The following KAZN variants were observed in gnomAD, a reference collection of about 807,000 sequenced individuals.
KAZN encodes kazrin, periplakin interacting protein, also known as kazrin.
KAZN carries 40 observed loss-of-function variants against 87.4 expected under a neutral mutation model. The ratio of observed to expected loss-of-function variants is 0.46; its 90% CI spans 0.36 to 0.60. KAZN has a LOEUF of 0.60. Ranked by LOEUF, KAZN falls within the 20% of genes least tolerant of loss-of-function variation. The probability of loss-of-function intolerance (pLI) is 0.00; values close to 1 mark genes in which losing one functional copy is unlikely to be tolerated. For synonymous variants in KAZN, 466 were observed against 458.3 expected (o/e 1.02, Z -0.22); for missense variants, 898 against 1,073.9 (o/e 0.84, Z 2.29).
intron 1 of KAZN, among the ~76,000 whole-genome samples, chr1:14,145,618 T>C (rs1240467651): frequency 6.6e-6 from 1 of 152,108 alleles, no homozygotes; most frequent in Non-Finnish European, 1.5e-5. Flanking sequence ...TTTTGCTCTG[T>C]CGTCCAGGCT....
At chr1:14,503,084 T>C (rs887656312) in intron 2 of KAZN, among the ~76,000 whole-genome samples, 1 of 151,892 alleles carries the variant, frequency 6.6e-6, no homozygotes, top group African/African-American at 2.4e-5. Flanking sequence ...ATATGGGCGG[T>C]TCACATTTCT....
chr1:14,604,209 C>A (rs1471322037), intron 1 of KAZN, among the ~76,000 whole-genome samples: 4 of 152,184 alleles, frequency 2.6e-5, no homozygotes, highest in Non-Finnish European at 5.9e-5. Context: ...AGTGTCACCG[C>A]CAGCAGTCAT....
In KAZN at chr1:13,981,091, A is replaced by ATATATATATATATATATATATATG. The variant is rs1308145927; in HGVS notation, c.91+87354_91+87355insATATGTATATATATATATATATAT. On this transcript the variant is annotated intron_variant, in intron 1 of 16. Coordinates refer to the KAZN transcript ENST00000636203. ...GGAGAGGTATAAAAAATTACTCTTT[A>ATATATATATATATATATATATATG]TATATATATATATATATATGTATAT... 3.3e-4 allele frequency among the ~76,000 whole-genome samples: 36 copies of ATATATATATATATATATATATATG among 107,678 alleles called. 1 individual carries two copies. Among genetic ancestry groups the ATATATATATATATATATATATATG allele is most frequent in the East Asian group, 9.9e-4 (4 of 4,056 alleles). 70.6% of individuals were successfully genotyped at this position (107,678 alleles called of 152,430 possible). A position where few individuals can be genotyped will look rare whatever the true frequency, so the allele number is the denominator to read the frequency against.
chr1:14,046,380 A>C (rs548013463), intron 1 of KAZN, among the ~76,000 whole-genome samples: 2 of 116,334 alleles, frequency 1.7e-5, no homozygotes, highest in Non-Finnish European at 3.5e-5. Flanking sequence ...AAATTTAGGC[A>C]GGAATAGGTA....
At chr1:14,501,516 TA>T (rs1670252427) in intron 2 of KAZN, among the ~76,000 whole-genome samples, 1 of 152,250 alleles carries the variant, frequency 6.6e-6, no homozygotes. Context: ...TATCCAGAAA[TA>T]AAATTTTAAA....
chr1:14,354,858 G>A (rs184124971), intron 2 of KAZN, among the ~76,000 whole-genome samples: 7 of 152,062 alleles, frequency 4.6e-5, no homozygotes, highest in African/African-American at 1.4e-4. Context: ...ATTTACCAAA[G>A]AGAAATGAAA....
intron 1 of KAZN, among the ~76,000 whole-genome samples, chr1:13,910,709 C>G (rs1409335397): frequency 6.6e-6 from 1 of 152,008 alleles, no homozygotes; most frequent in Non-Finnish European, 1.5e-5. Context: ...ATTACCCATT[C>G]CCAGGTTTTT....
chr1:14,660,066 G>T (rs908717248), intron 1 of KAZN, among the ~76,000 whole-genome samples: 1 of 152,090 alleles, frequency 6.6e-6, no homozygotes, highest in African/African-American at 2.4e-5. Context: ...CAGGGCAGCC[G>T]CTCTGCAACT....
chr1:13,905,895 C>T (rs977091153), intron 1 of KAZN, among the ~76,000 whole-genome samples: 1 of 152,110 alleles, frequency 6.6e-6, no homozygotes, highest in African/African-American at 2.4e-5. Context: ...GCCAGAAATC[C>T]AAAATCAGTA....
chr1:14,209,974 C>T (rs899889184), intron 2 of KAZN, among the ~76,000 whole-genome samples: 2 of 152,160 alleles, frequency 1.3e-5, no homozygotes, highest in Non-Finnish European at 2.9e-5. Context: ...GTAGCTTCAT[C>T]CTGTCCCTGC....
At chr1:14,741,217 C>G (rs1397014235) in intron 1 of KAZN, among the ~76,000 whole-genome samples, 1 of 152,218 alleles carries the variant, frequency 6.6e-6, no homozygotes, top group Non-Finnish European at 1.5e-5. Context: ...TGTCTTTCTC[C>G]CCTGTGACAT....
intron 2 of KAZN, among the ~76,000 whole-genome samples, chr1:14,428,903 C>T (rs902640872): frequency 9.9e-5 from 15 of 151,536 alleles, no homozygotes; most frequent in East Asian, 5.8e-4. Context: ...CAAACCATAT[C>T]GTTTATATAT....
intron 1 of KAZN, among the ~76,000 whole-genome samples, chr1:14,812,008 C>T (rs1422053205): frequency 6.6e-6 from 1 of 152,152 alleles, no homozygotes; most frequent in Non-Finnish European, 1.5e-5. Flanking sequence ...AACTGAAGAA[C>T]TTTTGTTTTT....
In KAZN at chr1:15,065,702, G is replaced by C; in HGVS notation, c.1171G>C (p.Val391Leu). ...GATGGGATTCGGCTCCATCTCCCGC[G>C]TCTTCGCCAGAGGGAAGCAGCGGAA... ...EKMGFGSISR[V>L]FARGKQRKSL... The change falls in exon 8 of 15, where the codon GTC (valine) becomes CTC (leucine). Residue 391 changes from valine to leucine, a missense_variant. Transcript: ENST00000376030. The C allele has an allele frequency of 6.2e-7, 1 of 1,614,208 alleles. No homozygotes were observed. The highest frequency in any genetic ancestry group is 8.5e-7 in the Non-Finnish European group (1 of 1,180,024).
At chr1:14,899,277 C>T (rs1193511551) in intron 1 of KAZN, among the ~76,000 whole-genome samples, 1 of 152,216 alleles carries the variant, frequency 6.6e-6, no homozygotes, top group Non-Finnish European at 1.5e-5. Flanking sequence ...GGGGCATGGC[C>T]ACACCCAGTG....
intron 2 of KAZN, among the ~76,000 whole-genome samples, chr1:14,227,889 C>T (rs1157797408): frequency 6.6e-6 from 1 of 152,198 alleles, no homozygotes; most frequent in African/African-American, 2.4e-5. Context: ...ATATACACAC[C>T]GTTCAGCAGC....
At chr1:14,722,672 A>G (rs1289110105) in intron 1 of KAZN, among the ~76,000 whole-genome samples, 1 of 152,160 alleles carries the variant, frequency 6.6e-6, no homozygotes, top group Non-Finnish European at 1.5e-5. Flanking sequence ...AGAATTTCAA[A>G]CATGCAGGGA....
At chr1:14,881,836 A>T (rs574455171) in intron 1 of KAZN, among the ~76,000 whole-genome samples, 2 of 152,264 alleles carry the variant, frequency 1.3e-5, no homozygotes, top group East Asian at 3.9e-4. Context: ...TGGTTGTTTA[A>T]ATGAGATTTG....
chr1:14,734,500 A>G (rs1432579536), intron 1 of KAZN, among the ~76,000 whole-genome samples: 1 of 151,882 alleles, frequency 6.6e-6, no homozygotes, highest in Admixed American at 6.6e-5. Context: ...TTTAGTAGAG[A>G]CGGGGTTTCT....
Sources: gnomAD v4.1 joint callset for allele counts (sites outside exome capture counted in the v4.1 genomes callset) on GRCh38, gnomAD v4.1.1 for gene constraint, MANE v1.5 for transcripts, NCBI Gene and HGNC (gene_info 2026-07-23, HGNC 2026-07-21) for gene names.